Variants in PMS1 observed in about 807,000 individuals in gnomAD.
The protein encoded by PMS1 is PMS1 protein homolog 1.
PMS1 carries 79 observed loss-of-function variants against 93.1 expected under a neutral mutation model. The ratio of observed to expected loss-of-function variants is 0.85; its 90% CI spans 0.71 to 1.02. The LOEUF is 1.02. Ranked by LOEUF, PMS1 falls within the 50% of genes least tolerant of loss-of-function variation. The pLI is 0.00. For missense variants in PMS1, 1,064 were observed against 1,085.3 expected (o/e 0.98, Z 0.28); for synonymous variants, 335 against 363.4 (o/e 0.92, Z 0.89).
chr2:189,804,710 A>G (rs1382297026), intron 3 of PMS1, among the ~76,000 whole-genome samples: 1 of 152,146 alleles, frequency 6.6e-6, no homozygotes, highest in Non-Finnish European at 1.5e-5. Context: ...ATGAGTTCCA[A>G]CAGTGGGGTT....
At chr2:189,873,984 T>G (rs558513171) in intron 12 of PMS1, among the ~76,000 whole-genome samples, 2 of 152,290 alleles carry the variant, frequency 1.3e-5, no homozygotes, top group East Asian at 3.9e-4. Context: ...ATTCTATATA[T>G]AGAGGTATTA....
At chr2:189,840,667 A>C (rs1408160464) in intron 5 of PMS1, among the ~76,000 whole-genome samples, 2 of 152,234 alleles carry the variant, frequency 1.3e-5, no homozygotes, top group Non-Finnish European at 2.9e-5. Flanking sequence ...TATGAAAATG[A>C]ATGCAAATTT....
At chr2:189,818,883 C>G (rs558664920) in intron 5 of PMS1, among the ~76,000 whole-genome samples, 141 of 152,204 alleles carry the variant, frequency 9.3e-4, no homozygotes, top group Non-Finnish European at 1.7e-3. Flanking sequence ...CATTTTTCAC[C>G]CTCTACACTG....
intron 5 of PMS1, among the ~76,000 whole-genome samples, chr2:189,839,305 A>G (rs1469761371): frequency 6.6e-6 from 1 of 152,164 alleles, no homozygotes. Context: ...ATCACATTTT[A>G]TAAAAATCAT....
At chr2:189,824,787 GA>G (rs2052277619) in intron 5 of PMS1, among the ~76,000 whole-genome samples, 2 of 151,992 alleles carry the variant, frequency 1.3e-5, no homozygotes, top group South Asian at 2.1e-4. Context: ...TCTCATAGTA[GA>G]TTTTTTTATT....
At chr2:189,794,877 G>A (rs975322626) in intron 2 of PMS1, among the ~76,000 whole-genome samples, 1 of 152,046 alleles carries the variant, frequency 6.6e-6, no homozygotes, top group African/African-American at 2.4e-5. Flanking sequence ...CAGGAGGATC[G>A]CTTGGAGCCA....
At chr2:189,871,913 A>C (rs554552714) in intron 11 of PMS1, among the ~76,000 whole-genome samples, 1 of 152,320 alleles carries the variant, frequency 6.6e-6, no homozygotes, top group East Asian at 1.9e-4. Context: ...AGAAGGCAAC[A>C]AGGAGCCAGC....
At chr2:189,811,760 C>T (rs565493708) in intron 4 of PMS1, among the ~76,000 whole-genome samples, 13 of 152,176 alleles carry the variant, frequency 8.5e-5, no homozygotes, top group Admixed American at 3.9e-4. Context: ...ATTGAATTAC[C>T]GAAAACCAGT....
intron 11 of PMS1, among the ~76,000 whole-genome samples, chr2:189,873,259 A>G (rs534721089): frequency 5.3e-5 from 8 of 152,334 alleles, no homozygotes; most frequent in African/African-American, 1.9e-4. Flanking sequence ...CAGAACAGCA[A>G]TAACTGGGAT....
In PMS1 at chr2:189,844,626, A is replaced by G. The variant is rs544945170; in HGVS notation, c.699+546A>G. Among the ~76,000 whole-genome samples, 8 of 140,838 alleles carry G rather than the reference A, an allele frequency of 5.7e-5. No homozygotes were observed. In the South Asian group the frequency reaches 1.2e-3, roughly 21 times the overall value. The allele number at this position is 140,838 out of a possible 152,430, so 92.4% of individuals were successfully genotyped here. On this transcript the variant is annotated intron_variant, in intron 6 of 12. Coordinates refer to ENST00000441310, the MANE Select transcript of PMS1 (RefSeq NM_000534.5). ...ACCACTGCACTCCAGCCTGGGTGAC[A>G]GAGTGAGATTCCATCTCAAAAAAAA...
chr2:189,802,965 C>G (rs1348088847), intron 3 of PMS1, among the ~76,000 whole-genome samples: 2 of 152,118 alleles, frequency 1.3e-5, no homozygotes, highest in Admixed American at 1.3e-4. Flanking sequence ...GCTAGGCTCC[C>G]CATAGTGGGT....
chr2:189,838,058 AT>A (rs1297271895), intron 5 of PMS1, among the ~76,000 whole-genome samples: 2 of 152,200 alleles, frequency 1.3e-5, no homozygotes, highest in Admixed American at 1.3e-4. Context: ...GACTGATAAA[AT>A]TGTTCAAAGA....
At chr2:189,856,893 A>G (rs2055391262) in intron 9 of PMS1, among the ~76,000 whole-genome samples, 1 of 152,098 alleles carries the variant, frequency 6.6e-6, no homozygotes, top group African/African-American at 2.4e-5. Flanking sequence ...GGCCTCATCT[A>G]AAAATCCATT....
chr2:189,854,815 G>A lies in PMS1; in HGVS notation c.1543G>A (p.Val515Met), dbSNP rs2055144146. Residue 515 changes from valine to methionine, a missense_variant, in exon 9 of 13, where the codon GTG becomes ATG. Val to Met is a conservative substitution (Grantham distance 21, BLOSUM62 1). Coordinates refer to ENST00000441310, the MANE Select transcript of PMS1 (RefSeq NM_000534.5). ...KNSVGENIEP[V>M]KILVPEKSLP... is the part of the protein sequence containing the mutation. ...TTCAGTGGGAGAGAATATTGAACCT[G>A]TGAAAATTTTAGTGCCTGAAAAAAG... The A allele has an allele frequency of 1.2e-6, 2 of 1,612,918 alleles. No homozygotes were observed. Among genetic ancestry groups the A allele is most frequent in the Non-Finnish European group, 1.7e-6 (2 of 1,179,068 alleles).
intron 3 of PMS1, among the ~76,000 whole-genome samples, chr2:189,799,545 G>A (rs1470501464): frequency 6.6e-6 from 1 of 152,176 alleles, no homozygotes; most frequent in Non-Finnish European, 1.5e-5. Flanking sequence ...CATATGGTAT[G>A]TATTATTTTG....
At chr2:189,791,346 G>A (rs979195386) in intron 1 of PMS1, among the ~76,000 whole-genome samples, 9 of 152,122 alleles carry the variant, frequency 5.9e-5, no homozygotes, top group East Asian at 1.9e-4. Flanking sequence ...ATGGCTGGGC[G>A]TGGTGGCTCA....
chr2:189,790,738 C>T (rs1056217686), intron 1 of PMS1, among the ~76,000 whole-genome samples: 7 of 152,188 alleles, frequency 4.6e-5, no homozygotes, highest in East Asian at 3.9e-4. Flanking sequence ...TTTTAATAAA[C>T]GGCAGTATAG....
intron 5 of PMS1, among the ~76,000 whole-genome samples, chr2:189,824,051 C>T (rs2052205489): frequency 6.6e-6 from 1 of 152,064 alleles, no homozygotes; most frequent in Admixed American, 6.6e-5. Context: ...ATAAAAAGTA[C>T]CACTTGTCTT....
chr2:189,798,956 T>C (rs188707512), intron 3 of PMS1, among the ~76,000 whole-genome samples: 3 of 152,172 alleles, frequency 2.0e-5, no homozygotes, highest in Admixed American at 6.5e-5. Context: ...TAGAAATAGG[T>C]TTCACATGAG....
Sources: allele counts gnomAD v4.1 joint callset (sites outside exome capture counted in the v4.1 genomes callset), GRCh38; gene constraint gnomAD v4.1.1; transcripts MANE v1.5; gene names NCBI Gene and HGNC (gene_info 2026-07-23, HGNC 2026-07-21).